Variants in CACNA1C observed in about 807,000 individuals in gnomAD.
CACNA1C encodes voltage-dependent L-type calcium channel subunit alpha-1C.
Under a neutral mutation model 229.0 loss-of-function variants are expected in CACNA1C, and 30 were observed. The ratio of observed to expected loss-of-function variants is 0.13; its 90% confidence interval spans 0.10 to 0.18. The LOEUF (loss-of-function observed/expected upper bound fraction) is 0.18. CACNA1C is among the 10% of genes least tolerant of loss of function. The pLI is 1.00. For missense variants in CACNA1C, 1,658 were observed against 2,845.0 expected, an observed-to-expected ratio of 0.58 and a Z score of 9.49; for synonymous variants, 1,114 against 1,132.5, an observed-to-expected ratio of 0.98 and a Z score of 0.33.
chr12:2,511,448 G>T (rs890588010), intron 8 of CACNA1C, among the ~76,000 whole-genome samples: 1 of 152,134 alleles, frequency 6.6e-6, no homozygotes, highest in Admixed American at 6.5e-5. Flanking sequence ...CTTTCCTAGA[G>T]TGTGGCTTCA....
chr12:2,514,407 C>T (rs1415570002), intron 9 of CACNA1C, among the ~76,000 whole-genome samples: 1 of 152,104 alleles, frequency 6.6e-6, no homozygotes, highest in Non-Finnish European at 1.5e-5. Context: ...CCTAAGGAGG[C>T]CTTTGTGCTC....
chr12:2,681,825 T>G, intron 42 of CACNA1C: 1 of 672,186 alleles, frequency 1.5e-6, no homozygotes, highest in East Asian at 2.6e-5. Flanking sequence ...GGTCTGAGGA[T>G]AAAGTGGGCC....
In CACNA1C at chr12:2,136,891, C is replaced by T. The variant is rs556016102; in HGVS notation, c.477+16461C>T. On this transcript the variant is annotated intron_variant, in intron 3 of 46. Transcript: ENST00000399655. ...TTGGGGTGAGGGAACCCAGAATCAG[C>T]CTGACTTTCTGAGACAAACTTAAAA... Among the ~76,000 whole-genome samples, 10 of 151,426 alleles carry T rather than the reference C, an allele frequency of 6.6e-5. 1 individual carries two copies. The highest frequency in any genetic ancestry group is 1.3e-4 in the Non-Finnish European group (9 of 67,616).
At chr12:2,066,297 G>A (rs1007529953) in intron 1 of CACNA1C, among the ~76,000 whole-genome samples, 3 of 152,256 alleles carry the variant, frequency 2.0e-5, no homozygotes, top group African/African-American at 7.2e-5. Flanking sequence ...CTGTGGAGGT[G>A]GAGCCATTGG....
Position 2,285,373 on chromosome 12 carries a change from T to C in CACNA1C, c.478-163603T>C, listed in dbSNP as rs1192642180. Among the ~76,000 whole-genome samples the C allele has an allele frequency of 6.6e-6, 1 of 152,126 alleles. No homozygotes were observed. Among genetic ancestry groups the C allele is most frequent in the Non-Finnish European group, 1.5e-5 (1 of 68,020 alleles). On this transcript the variant is annotated intron_variant, in intron 3 of 46. Transcript: ENST00000399655. This position sits in a 1 kb window ranked among gnomAD's most constrained non-coding sequence, Gnocchi z 4.2. ...TCCTTCCCCCTCTCCTAAAAGCCAGTTGCTAAAACATTTAACAACATACCA... is the reference window on the plus strand; with the variant it reads ...TCCTTCCCCCTCTCCTAAAAGCCAGCTGCTAAAACATTTAACAACATACCA...
intron 1 of CACNA1C, among the ~76,000 whole-genome samples, chr12:2,089,928 C>G (rs945568375): frequency 1.3e-5 from 2 of 152,116 alleles, no homozygotes; most frequent in Non-Finnish European, 2.9e-5. Context: ...ACTTGGGAGG[C>G]TGAGGCAGGA....
chr12:2,517,850 C>A (rs1435231426), intron 9 of CACNA1C, among the ~76,000 whole-genome samples: 2 of 152,364 alleles, frequency 1.3e-5, no homozygotes, highest in Middle Eastern at 3.4e-3. Context: ...AGATTCTCTT[C>A]TTTTTCCTCT....
chr12:2,037,649 G>A (rs1227440761), intron 1 of CACNA1C, among the ~76,000 whole-genome samples: 1 of 152,208 alleles, frequency 6.6e-6, no homozygotes, highest in Non-Finnish European at 1.5e-5. Flanking sequence ...TACCAGTCAT[G>A]GAAGGGTTTC....
rs76684162 is a variant in CACNA1C, at chr12:2,064,069, C to T, written c.49+10458C>T. Among the ~76,000 whole-genome samples the T allele has an allele frequency of 8.5e-3, 1,301 of 152,194 alleles. 16 individuals carry two copies. The highest frequency in any genetic ancestry group is 0.029 in the African/African-American group (1,215 of 41,520). On this transcript the variant is annotated intron_variant, in intron 1 of 46. Transcript: ENST00000399655. ...TAGTCTGGGCTCCCAGTTCCTATAC[C>T]AGAAATTTGACTTTAATTGGTGTTT...
intron 3 of CACNA1C, among the ~76,000 whole-genome samples, chr12:2,121,587 C>T (rs2086762852): frequency 6.6e-6 from 1 of 152,196 alleles, no homozygotes; most frequent in East Asian, 1.9e-4. Context: ...CCAAAAATTT[C>T]AAAGCTGGGC....
At position 2,346,049 on chromosome 12, in the gene CACNA1C, T is replaced by C. The variant is rs934616085; in HGVS notation, c.478-102927T>C. Among the ~76,000 whole-genome samples, 1 of 152,162 alleles carries C rather than the reference T, an allele frequency of 6.6e-6. No homozygotes were observed. The highest frequency in any genetic ancestry group is 1.5e-5 in the Non-Finnish European group (1 of 68,022). On this transcript the variant is annotated intron_variant, in intron 3 of 46. Transcript: ENST00000399655. The surrounding 1 kb of genome is among the most constrained non-coding windows in gnomAD (Gnocchi z 4.4). ...TGGCAGTGATGGGAGGAGGCTGAGATAGTGCTGAAGATGCACAGCCTCTGT... is the reference window on the plus strand; with the variant it reads ...TGGCAGTGATGGGAGGAGGCTGAGACAGTGCTGAAGATGCACAGCCTCTGT...
At chr12:2,634,443 C>T (rs1214553774) in intron 30 of CACNA1C, 63 bp downstream of exon 30, 21 of 718,690 alleles carry the variant, frequency 2.9e-5, no homozygotes, top group Middle Eastern at 2.4e-4. Context: ...TGCCTTTTCC[C>T]GGTTTGTTTC....
rs1402778653 is a variant in CACNA1C, at chr12:2,403,847, G to A, written c.478-45129G>A. Among the ~76,000 whole-genome samples, 2 of 152,150 alleles carry A rather than the reference G, an allele frequency of 1.3e-5. No individual in the cohort carries two copies. The highest frequency in any genetic ancestry group is 4.8e-5 in the African/African-American group (2 of 41,420). ...GTGTTGACAGACTGCTGGTGTCCGT[G>A]GACCACAGCTCTGCTCTGGGGCCCC... On this transcript the variant is annotated intron_variant, in intron 3 of 46. Coordinates refer to ENST00000399655, the MANE Select transcript of CACNA1C (RefSeq NM_000719.7). This position sits in a 1 kb window ranked among gnomAD's most constrained non-coding sequence, Gnocchi z 4.1.
At chr12:2,604,006 C>A (rs1422107064) in intron 22 of CACNA1C, among the ~76,000 whole-genome samples, 1 of 152,156 alleles carries the variant, frequency 6.6e-6, no homozygotes, top group Non-Finnish European at 1.5e-5. Context: ...TCTTCTTGTG[C>A]TCTCTGTGAA....
At position 2,679,659 on chromosome 12, in the gene CACNA1C, C is replaced by A; in HGVS notation, c.5307C>A (p.Asn1769Lys). The A allele has an allele frequency of 6.2e-7, 1 of 1,613,858 alleles. No individual in the cohort carries two copies. Among genetic ancestry groups the A allele is most frequent in the Non-Finnish European group, 8.5e-7 (1 of 1,179,820 alleles). ...SSTGSNANIN[N>K]ANNTALGRLP... ...CCGGCTCCAACGCCAACATCAACAA[C>A]GCCAACAACACCGCCCTGGGTCGCC... Residue 1769 changes from asparagine to lysine, a missense_variant, in exon 42 of 47, where the codon AAC (asparagine) becomes AAA (lysine). Transcript: ENST00000399655. The surrounding 1 kb of genome is among the most constrained non-coding windows in gnomAD (Gnocchi z 5.5).
chr12:2,462,283 CG>C (rs2099513699), intron 5 of CACNA1C, among the ~76,000 whole-genome samples: 1 of 149,152 alleles, frequency 6.7e-6, no homozygotes. Flanking sequence ...CACACTTCCT[CG>C]GCACCCCCTC....
chr12:2,640,198 G>A (rs935741370), intron 30 of CACNA1C, among the ~76,000 whole-genome samples: 1 of 152,214 alleles, frequency 6.6e-6, no homozygotes, highest in Non-Finnish European at 1.5e-5. Flanking sequence ...TCTGCCCAAG[G>A]CCACACGGTG....
intron 1 of CACNA1C, among the ~76,000 whole-genome samples, chr12:2,056,092 G>T (rs1327140372): frequency 1.3e-5 from 2 of 152,068 alleles, no homozygotes; most frequent in Non-Finnish European, 2.9e-5. Context: ...TCAGTGGCGG[G>T]GGCTGTGCAT....
chr12:2,449,012 G>A lies in CACNA1C; in HGVS notation c.514G>A (p.Val172Met). The A allele has an allele frequency of 1.2e-6, 2 of 1,608,672 alleles. No individual in the cohort carries two copies. The highest frequency in any genetic ancestry group is 8.5e-7 in the Non-Finnish European group (1 of 1,175,904). The change falls in exon 4 of 47, where the codon GTG becomes ATG. Residue 172 changes from valine (V) to methionine (M), a missense_variant. Physicochemically the swap from Val to Met is conservative, Grantham distance 21. Around this residue, in one of 20 missense-constraint regions of CACNA1C, gnomAD observed 89 missense variants for 177.8 expected, o/e 0.50. Transcript: ENST00000399655. Reference sequence around the variant, plus strand: ...ATATCTCTTTCTCATAATTTTTACGGTGGAAGCGTTTTTAAAAGTAATCGC... The same window carrying A: ...ATATCTCTTTCTCATAATTTTTACGATGGAAGCGTTTTTAAAAGTAATCGC... ...VEYLFLIIFTVEAFLKVIAYG... is the reference protein window; with the variant it reads ...VEYLFLIIFTMEAFLKVIAYG...
Sources: gnomAD v4.1 joint callset for allele counts (sites outside exome capture counted in the v4.1 genomes callset) on GRCh38, gnomAD v4.1.1 for gene constraint, gnomAD v4.1.1 regional missense constraint, Gnocchi (gnomAD v3.1) non-coding constraint, MANE v1.5 for transcripts, NCBI Gene and HGNC (gene_info 2026-07-23, HGNC 2026-07-21) for gene names.